Variants in LGSN observed in about 807,000 individuals in gnomAD.
LGSN encodes the protein lengsin, lens protein with glutamine synthetase domain.
Under a neutral mutation model 19.5 loss-of-function variants are expected in LGSN, and 21 were observed. The ratio of observed to expected loss-of-function variants is 1.07; its 90% CI spans 0.76 to 1.55. The LOEUF (loss-of-function observed/expected upper bound fraction) is 1.55. Ranked by LOEUF, LGSN falls within the 40% of genes most tolerant of loss-of-function variation. The pLI is 0.00. For missense variants in LGSN, 673 were observed against 608.5 expected (o/e 1.11, Z -1.12); for synonymous variants, 257 against 215.6 (o/e 1.19, Z -1.68).
the LGSN span, among the ~76,000 whole-genome samples, chr6:63,480,982 T>TACAC: frequency 2.6e-3 from 103 of 39,126 alleles, 1 homozygote; most frequent in Middle Eastern, 0.021. Flanking sequence ...TATATATATA[T>TACAC]ATATACACAC....
chr6:63,333,659 G>A, the LGSN span, among the ~76,000 whole-genome samples: 1 of 150,722 alleles, frequency 6.6e-6, no homozygotes, highest in Non-Finnish European at 1.5e-5. Flanking sequence ...GGAAGGGGAA[G>A]GGAAGAGGAA....
At chr6:63,379,501 G>T in the LGSN span, among the ~76,000 whole-genome samples, 1 of 152,232 alleles carries the variant, frequency 6.6e-6, no homozygotes, top group African/African-American at 2.4e-5. Context: ...TGGAAGTGCA[G>T]TTGATGTTGT....
At chr6:63,305,084 C>T (rs975202330) in intron 1 of LGSN, among the ~76,000 whole-genome samples, 2 of 152,130 alleles carry the variant, frequency 1.3e-5, no homozygotes, top group African/African-American at 2.4e-5. Context: ...ATCACTCATG[C>T]TAATACAACA....
chr6:63,341,223 C>A, the LGSN span, among the ~76,000 whole-genome samples: 2 of 152,130 alleles, frequency 1.3e-5, no homozygotes, highest in Non-Finnish European at 1.5e-5. Context: ...CTAGATGGCA[C>A]ACATGGATGC....
intron 1 of LGSN, among the ~76,000 whole-genome samples, chr6:63,295,763 T>G (rs1441965949): frequency 6.6e-6 from 1 of 152,152 alleles, no homozygotes; most frequent in Non-Finnish European, 1.5e-5. Flanking sequence ...AGGCTGGTGC[T>G]GGGGAGCTCA....
the LGSN span, among the ~76,000 whole-genome samples, chr6:63,471,159 G>A: frequency 1.3e-5 from 2 of 149,252 alleles, no homozygotes; most frequent in Non-Finnish European, 3.0e-5. Flanking sequence ...TTTGTTTTTA[G>A]TAGAGACAGG....
At chr6:63,324,330 A>C (rs902006406), upstream of LGSN, among the ~76,000 whole-genome samples, 6 of 152,224 alleles carry the variant, frequency 3.9e-5, no homozygotes, top group African/African-American at 1.4e-4. Flanking sequence ...AAGACATATC[A>C]CATAGTTTTC....
chr6:63,306,345 T>C (rs1401945628), intron 1 of LGSN, among the ~76,000 whole-genome samples: 2 of 152,202 alleles, frequency 1.3e-5, no homozygotes, highest in African/African-American at 4.8e-5. Flanking sequence ...TAAATGGAAT[T>C]CTGTTTTTAT....
the LGSN span, among the ~76,000 whole-genome samples, chr6:63,455,697 T>A: frequency 1.3e-5 from 2 of 152,002 alleles, no homozygotes; most frequent in African/African-American, 4.8e-5. Context: ...GAGGTTGTAG[T>A]GAGCTGAGAT....
At chr6:63,327,727 T>C in the LGSN span, among the ~76,000 whole-genome samples, 1 of 152,230 alleles carries the variant, frequency 6.6e-6, no homozygotes, top group African/African-American at 2.4e-5. Flanking sequence ...CACTGTTTTT[T>C]CTTTACTACT....
the LGSN span, among the ~76,000 whole-genome samples, chr6:63,421,959 A>G: frequency 6.6e-6 from 1 of 152,230 alleles, no homozygotes; most frequent in East Asian, 1.9e-4. Flanking sequence ...ATGAACATAC[A>G]AATTCAAGAA....
At chr6:63,552,218 T>A in the LGSN span, among the ~76,000 whole-genome samples, 1 of 152,166 alleles carries the variant, frequency 6.6e-6, no homozygotes, top group Admixed American at 6.5e-5. Context: ...TTTCAATGAT[T>A]GGCATTCTAA....
the LGSN span, among the ~76,000 whole-genome samples, chr6:63,353,890 G>A: frequency 6.6e-6 from 1 of 152,030 alleles, no homozygotes; most frequent in African/African-American, 2.4e-5. Flanking sequence ...AATATACATT[G>A]GGAAAAGGGA....
chr6:63,431,991 A>G, the LGSN span, among the ~76,000 whole-genome samples: 89,821 of 150,796 alleles, frequency 0.6, 27,037 homozygotes, highest in African/African-American at 0.64. Flanking sequence ...CAGGAGAATC[A>G]CTTGAACCCA....
the LGSN span, among the ~76,000 whole-genome samples, chr6:63,403,289 T>G: frequency 2.0e-5 from 3 of 152,068 alleles, no homozygotes; most frequent in African/African-American, 7.2e-5. Context: ...TGGGCTAAGG[T>G]CAGGAGGATG....
chr6:63,561,233 A>C, the LGSN span, among the ~76,000 whole-genome samples: 1 of 152,208 alleles, frequency 6.6e-6, no homozygotes, highest in African/African-American at 2.4e-5. Flanking sequence ...TAATACTTGT[A>C]TGACCCTAAG....
At chr6:63,377,582 G>C in the LGSN span, among the ~76,000 whole-genome samples, 7 of 152,260 alleles carry the variant, frequency 4.6e-5, no homozygotes, top group Admixed American at 3.9e-4. Context: ...AAGCTTCCCA[G>C]AGAAAGTGAT....
chr6:63,371,763 C>T, the LGSN span, among the ~76,000 whole-genome samples: 1 of 152,054 alleles, frequency 6.6e-6, no homozygotes, highest in Non-Finnish European at 1.5e-5. Context: ...GACTTTTGGT[C>T]CTTTAAAGTT....
the LGSN span, among the ~76,000 whole-genome samples, chr6:63,453,999 A>C: frequency 6.6e-6 from 1 of 152,176 alleles, no homozygotes; most frequent in Non-Finnish European, 1.5e-5. Context: ...AACTAGGTAC[A>C]GTTATTATCC....
Sources: allele counts gnomAD v4.1 joint callset (sites outside exome capture counted in the v4.1 genomes callset), GRCh38; gene constraint gnomAD v4.1.1; transcripts MANE v1.5; gene names NCBI Gene and HGNC (gene_info 2026-07-23, HGNC 2026-07-21).